Variants in NRXN3 observed in about 807,000 individuals in gnomAD.
NRXN3 encodes the protein neurexin III.
Under a neutral mutation model 137.6 loss-of-function variants are expected in NRXN3, and 32 were observed. That is an observed-to-expected ratio of 0.23 (90% CI 0.18 to 0.31). The LOEUF (loss-of-function observed/expected upper bound fraction) is 0.31, where lower values mean the gene tolerates loss of function less well. NRXN3 is among the 10% of genes least tolerant of loss of function. NRXN3 has a pLI of 1.00. For synonymous variants in NRXN3, 798 were observed against 784.5 expected, an observed-to-expected ratio of 1.02 and a Z score of -0.29; for missense variants, 1,574 against 2,062.5, an observed-to-expected ratio of 0.76 and a Z score of 4.59.
rs556325392 is a variant in NRXN3, at chr14:79,594,874, A to G, written c.3445-68904A>G. 3.9e-5 allele frequency among the ~76,000 whole-genome samples: 6 copies of G among 152,306 alleles called. No homozygotes were observed. The South Asian group carries it at 6.2e-4, about 16-fold the overall frequency. On this transcript the variant is annotated intron_variant, in intron 16 of 20. Coordinates refer to ENST00000335750, the MANE Select transcript of NRXN3 (RefSeq NM_001330195.2). ...ACAAGTCCCTGTTTATTAGACAGGC[A>G]TGGTGACTTCTAGATACATTCTTCC...
At chr14:78,751,441 C>T (rs1185831143) in intron 8 of NRXN3, among the ~76,000 whole-genome samples, 1 of 152,006 alleles carries the variant, frequency 6.6e-6, no homozygotes, top group Non-Finnish European at 1.5e-5. Flanking sequence ...TTTTTTCTCC[C>T]TCCCTGTCCC....
At chr14:78,611,892 T>C (rs2097303695) in intron 4 of NRXN3, among the ~76,000 whole-genome samples, 1 of 152,216 alleles carries the variant, frequency 6.6e-6, no homozygotes, top group African/African-American at 2.4e-5. Context: ...ACAAGTGCCT[T>C]TGAATTGTTG....
At chr14:78,347,156 G>A (rs1160067745) in intron 4 of NRXN3, among the ~76,000 whole-genome samples, 3 of 152,196 alleles carry the variant, frequency 2.0e-5, no homozygotes, top group Non-Finnish European at 2.9e-5. Context: ...CGACAAATGC[G>A]GATGCTGGGA....
chr14:78,373,168 T>C (rs2087174128), intron 4 of NRXN3, among the ~76,000 whole-genome samples: 1 of 152,182 alleles, frequency 6.6e-6, no homozygotes, highest in Non-Finnish European at 1.5e-5. Context: ...GAATGCCAAG[T>C]CAAAAGCAAA....
intron 16 of NRXN3, among the ~76,000 whole-genome samples, chr14:79,573,216 A>C (rs371342970): frequency 2.0e-5 from 3 of 152,252 alleles, no homozygotes; most frequent in East Asian, 3.9e-4. Flanking sequence ...GAGGAAAGGG[A>C]GAGAGAGAGA....
chr14:79,119,271 A>T (rs1023603408), intron 15 of NRXN3, among the ~76,000 whole-genome samples: 3 of 152,138 alleles, frequency 2.0e-5, no homozygotes, highest in African/African-American at 7.2e-5. Flanking sequence ...ATTATATTAG[A>T]TTAATACCAA....
chr14:78,246,833 G>T (rs897228407), intron 2 of NRXN3, among the ~76,000 whole-genome samples: 1 of 152,200 alleles, frequency 6.6e-6, no homozygotes, highest in African/African-American at 2.4e-5. Context: ...GTGGTGAAGT[G>T]GGTAGAGAGA....
intron 15 of NRXN3, among the ~76,000 whole-genome samples, chr14:79,155,334 A>G (rs2060166696): frequency 6.6e-6 from 1 of 151,938 alleles, no homozygotes; most frequent in East Asian, 1.9e-4. Context: ...TGTAGATTAT[A>G]TAAGAACCTA....
intron 15 of NRXN3, among the ~76,000 whole-genome samples, chr14:79,079,234 A>G (rs2046478442): frequency 1.3e-5 from 2 of 150,902 alleles, no homozygotes; most frequent in Non-Finnish European, 2.9e-5. Flanking sequence ...AAGATAACTG[A>G]TAAGGGGGAC....
intron 15 of NRXN3, among the ~76,000 whole-genome samples, chr14:79,433,225 TAGG>T (rs2095792461): frequency 6.6e-6 from 1 of 152,186 alleles, no homozygotes; most frequent in South Asian, 2.1e-4. Flanking sequence ...ATTTACCTCT[TAGG>T]AGGAATTCAG....
At chr14:78,583,541 G>A (rs985701725) in intron 4 of NRXN3, among the ~76,000 whole-genome samples, 6 of 151,894 alleles carry the variant, frequency 4.0e-5, no homozygotes, top group African/African-American at 1.2e-4. Context: ...ATACAAAATC[G>A]CTTTATAAGA....
chr14:78,227,379 G>A (rs2064812496), intron 1 of NRXN3, among the ~76,000 whole-genome samples: 1 of 152,126 alleles, frequency 6.6e-6, no homozygotes, highest in Non-Finnish European at 1.5e-5. Flanking sequence ...GTCATATGGA[G>A]GTTAGATGAG....
chr14:78,635,171 G>T (rs1601681709), intron 4 of NRXN3, among the ~76,000 whole-genome samples: 1 of 152,160 alleles, frequency 6.6e-6, no homozygotes, highest in Non-Finnish European at 1.5e-5. Context: ...GCAGGAAGTA[G>T]ATTACATTGT....
At chr14:79,284,276 T>A (rs1311469120) in intron 15 of NRXN3, among the ~76,000 whole-genome samples, 1 of 143,420 alleles carries the variant, frequency 7.0e-6, no homozygotes, top group Non-Finnish European at 1.5e-5. Context: ...GGTGGGGGGA[T>A]CACCTGAGGT....
At chr14:78,359,570 C>A (rs1399039041) in intron 4 of NRXN3, among the ~76,000 whole-genome samples, 1 of 152,156 alleles carries the variant, frequency 6.6e-6, no homozygotes. Context: ...AGAACAACAT[C>A]CCCATATAAG....
At chr14:79,802,428 T>A (rs1202448766) in intron 19 of NRXN3, among the ~76,000 whole-genome samples, 1 of 152,128 alleles carries the variant, frequency 6.6e-6, no homozygotes, top group Non-Finnish European at 1.5e-5. Flanking sequence ...CTAATTGCCC[T>A]TTTCCCACAA....
At chr14:79,575,442 G>T (rs148032166) in intron 16 of NRXN3, among the ~76,000 whole-genome samples, 21 of 152,190 alleles carry the variant, frequency 1.4e-4, no homozygotes, top group African/African-American at 4.3e-4. Flanking sequence ...AGATGCTGAG[G>T]TTCAAGAAAG....
At chr14:78,199,415 A>G (rs1009907647) in intron 1 of NRXN3, among the ~76,000 whole-genome samples, 2 of 152,178 alleles carry the variant, frequency 1.3e-5, no homozygotes, top group African/African-American at 4.8e-5. Context: ...TCTAACATTT[A>G]TTATGCACTT....
At chr14:79,779,420 T>A (rs2099107153) in intron 19 of NRXN3, among the ~76,000 whole-genome samples, 1 of 152,104 alleles carries the variant, frequency 6.6e-6, no homozygotes. Flanking sequence ...GCCAATCAAT[T>A]GTTATTGATT....
Sources: gnomAD v4.1 joint callset for allele counts (sites outside exome capture counted in the v4.1 genomes callset) on GRCh38, gnomAD v4.1.1 for gene constraint, MANE v1.5 for transcripts, NCBI Gene and HGNC (gene_info 2026-07-23, HGNC 2026-07-21) for gene names.